MARK2: variants seen among roughly 807,000 people sequenced by gnomAD.
MARK2 encodes microtubule affinity regulating kinase 2.
In MARK2, 16 loss-of-function variants were observed where a neutral mutation model predicts 89.8. The ratio of observed to expected loss-of-function variants is 0.18; its 90% CI spans 0.12 to 0.27. The LOEUF (loss-of-function observed/expected upper bound fraction) is 0.27, where lower values mean the gene tolerates loss of function less well. Among genes scored for constraint, MARK2 ranks in the 10% least tolerant of loss-of-function variants. The probability of loss-of-function intolerance (pLI) is 1.00; values close to 1 mark genes in which losing one functional copy is unlikely to be tolerated. For missense variants in MARK2, 621 were observed against 1,049.9 expected (o/e 0.59, Z 5.65); for synonymous variants, 382 against 399.5 (o/e 0.96, Z 0.52).
At chr11:63,876,700 C>T (rs1002839333) in intron 1 of MARK2, among the ~76,000 whole-genome samples, 4 of 123,188 alleles carry the variant, frequency 3.2e-5, no homozygotes, top group African/African-American at 7.6e-5. Context: ...AGCTGTATTC[C>T]TCTTGGAGCC....
intron 1 of MARK2, among the ~76,000 whole-genome samples, chr11:63,884,749 A>T (rs1342503472): frequency 6.6e-6 from 1 of 152,180 alleles, no homozygotes; most frequent in Non-Finnish European, 1.5e-5. Flanking sequence ...CCTACACTGA[A>T]TGCTCCTCTG....
chr11:63,902,789 C>T lies in MARK2; in HGVS notation c.1416+7C>T, dbSNP rs754467458. The T allele has an allele frequency of 8.7e-6, 14 of 1,603,630 alleles. No homozygotes were observed. Among genetic ancestry groups the T allele is most frequent in the South Asian group, 6.6e-5 (6 of 90,808 alleles). On this transcript the variant is annotated splice_region_variant and intron_variant, in intron 13 of 18. Transcript: ENST00000402010. The surrounding 1 kb of genome is among the most constrained non-coding windows in gnomAD (Gnocchi z 4.2). The stretch of plus-strand genomic sequence containing the variant: ...CACCCCAACCCCCTCCACGGTGAGC[C>T]GCACCCCCCGCTCTCTCCTTCCTTC...
rs1449459332 is a variant in MARK2 at position 63,904,894 on chromosome 11, C to T, written c.1785C>T (p.Ser595=). The change falls in exon 16 of 19, where the codon AGC becomes AGT. Residue 595 remains serine (S), a synonymous_variant. Transcript: ENST00000402010. The surrounding 1 kb of genome is among the most constrained non-coding windows in gnomAD (Gnocchi z 6.3). Reference sequence around the variant, plus strand: ...TCCCCCGGGGTGTGTCCAGCCGAAGCACCTTCCATGCTGGGCAGCTCCGAC... The same window carrying T: ...TCCCCCGGGGTGTGTCCAGCCGAAGTACCTTCCATGCTGGGCAGCTCCGAC... The part of the protein sequence containing the change: ...TNFPRGVSSR[S]TFHAGQLRQV... 5.6e-6 allele frequency: 9 copies of T among 1,614,132 alleles called. No homozygotes were observed. Among genetic ancestry groups the T allele is most frequent in the Non-Finnish European group, 7.6e-6 (9 of 1,180,056 alleles).
intron 18 of MARK2, 143 bp from the exon 19 acceptor site, chr11:63,908,733 GC>G: frequency 1.4e-6 from 1 of 731,384 alleles, no homozygotes; most frequent in Non-Finnish European, 2.0e-6. Context: ...GCCACCCTCC[GC>G]CCCCGCAGGC....
At chr11:63,853,067 C>G (rs991627228) in intron 1 of MARK2, among the ~76,000 whole-genome samples, 1 of 152,178 alleles carries the variant, frequency 6.6e-6, no homozygotes, top group African/African-American at 2.4e-5. Context: ...CAGTAAAATT[C>G]AAGGCAGTGC....
At chr11:63,890,219 C>T in intron 1 of MARK2, 3 of 1,340,394 alleles carry the variant, frequency 2.2e-6, no homozygotes, top group East Asian at 4.6e-5. Context: ...TGCTTCCTTC[C>T]AGTGGCTTGC....
chr11:63,892,836 C>T (rs1939997964), intron 1 of MARK2, among the ~76,000 whole-genome samples: 1 of 150,012 alleles, frequency 6.7e-6, no homozygotes, highest in Non-Finnish European at 1.5e-5. Flanking sequence ...TTCAAGCGAT[C>T]CTCCCGCCTC....
intron 1 of MARK2, among the ~76,000 whole-genome samples, chr11:63,872,229 T>A (rs1364423327): frequency 6.6e-6 from 1 of 152,214 alleles, no homozygotes; most frequent in Non-Finnish European, 1.5e-5. Context: ...GGAGCTTTCC[T>A]CTCCCTGTGG....
chr11:63,898,315 A>G, intron 4 of MARK2, 35 bp downstream of exon 4: 1 of 1,592,364 alleles, frequency 6.3e-7, no homozygotes, highest in Non-Finnish European at 8.6e-7. Context: ...CTTCTTCCCC[A>G]ACAGCAAGGC....
chr11:63,910,094 T>C lies in MARK2; in HGVS notation c.*857T>C, dbSNP rs892616975. ...CCAGGGCTGGGAGAGGGGAGGGGAC[T>C]GGAGGGCAGACTGGCTTCTCGGTCC... is the stretch of plus-strand genomic sequence containing the variant. On this transcript the variant is annotated 3_prime_UTR_variant, in exon 19 of 19. Coordinates refer to ENST00000402010, the MANE Select transcript of MARK2 (RefSeq NM_001039469.3). The C allele has an allele frequency of 6.6e-6, 1 of 152,336 alleles. No individual in the cohort carries two copies. 9.4% of individuals were successfully genotyped at this position (152,336 alleles called of 1,614,324 possible).
At chr11:63,872,730 A>C (rs928969683) in intron 1 of MARK2, among the ~76,000 whole-genome samples, 1 of 152,100 alleles carries the variant, frequency 6.6e-6, no homozygotes, top group Non-Finnish European at 1.5e-5. Context: ...ACGTTCTCCA[A>C]AATTCTTATG....
At chr11:63,856,334 TTTTAAATATATGGCTTGTTTATTC>T (rs1565100381) in intron 1 of MARK2, among the ~76,000 whole-genome samples, 2 of 111,246 alleles carry the variant, frequency 1.8e-5, no homozygotes, top group Non-Finnish European at 3.9e-5. Context: ...TTTTTTTTTT[TTTTAAATATATGGCTTGTTTATTC>T]TTTTTCTCCC....
intron 7 of MARK2, among the ~76,000 whole-genome samples, chr11:63,899,355 C>G (rs905594168): frequency 6.6e-6 from 1 of 152,012 alleles, no homozygotes; most frequent in African/African-American, 2.4e-5. Flanking sequence ...GGGCCCTCTG[C>G]CATTTCACCT....
intron 1 of MARK2, among the ~76,000 whole-genome samples, chr11:63,881,968 G>A (rs1269423831): frequency 6.6e-6 from 1 of 152,076 alleles, no homozygotes; most frequent in African/African-American, 2.4e-5. Flanking sequence ...AAAAGAAGAA[G>A]AAATGAAGAG....
intron 1 of MARK2, among the ~76,000 whole-genome samples, chr11:63,866,657 G>C (rs568879014): frequency 2.6e-5 from 4 of 152,272 alleles, no homozygotes; most frequent in East Asian, 1.9e-4. Flanking sequence ...ACTATCTACT[G>C]TACAGGAAAG....
intron 1 of MARK2, among the ~76,000 whole-genome samples, chr11:63,870,994 T>C (rs191708081): frequency 2.0e-5 from 3 of 152,260 alleles, no homozygotes; most frequent in Admixed American, 1.3e-4. Context: ...CAGCTCATAA[T>C]ACAGTGTGGG....
intron 1 of MARK2, among the ~76,000 whole-genome samples, chr11:63,877,085 C>G (rs181527054): frequency 6.7e-6 from 1 of 148,830 alleles, no homozygotes. Flanking sequence ...TCTTAGAAAC[C>G]AGTTCAATCA....
chr11:63,859,604 CCCATG>C (rs911912785), intron 1 of MARK2, among the ~76,000 whole-genome samples: 7 of 151,800 alleles, frequency 4.6e-5, no homozygotes, highest in Non-Finnish European at 8.8e-5. Context: ...CAGGCACAAG[CCCATG>C]CCTGGGCTAA....
At chr11:63,878,095 G>A (rs1424279121) in intron 1 of MARK2, among the ~76,000 whole-genome samples, 2 of 152,222 alleles carry the variant, frequency 1.3e-5, no homozygotes, top group Non-Finnish European at 2.9e-5. Flanking sequence ...CGCATCGGTT[G>A]CCTAGTAGGG....
Sources: gnomAD v4.1 joint callset for allele counts (sites outside exome capture counted in the v4.1 genomes callset) on GRCh38, gnomAD v4.1.1 for gene constraint, Gnocchi (gnomAD v3.1) non-coding constraint, MANE v1.5 for transcripts, NCBI Gene and HGNC (gene_info 2026-07-23, HGNC 2026-07-21) for gene names.